The following KSR1 variants were observed in gnomAD, a reference collection of about 807,000 sequenced individuals.
KSR1 encodes kinase suppressor of ras 1, also known as kinase suppressor of ras.
A neutral mutation model predicts 92.9 loss-of-function variants in KSR1; 35 were observed. That is an observed-to-expected ratio of 0.38 (90% confidence interval 0.29 to 0.50). The LOEUF (loss-of-function observed/expected upper bound fraction) is 0.50, where lower values mean the gene tolerates loss of function less well. Among genes scored for constraint, KSR1 ranks in the 20% least tolerant of loss-of-function variants. The pLI is 0.94. For missense variants in KSR1, 972 were observed against 1,158.5 expected, an observed-to-expected ratio of 0.84 and a Z score of 2.34; for synonymous variants, 467 against 472.6, an observed-to-expected ratio of 0.99 and a Z score of 0.15.
At chr17:27,478,037 A>G (rs774934503) in intron 1 of KSR1, among the ~76,000 whole-genome samples, 16 of 152,242 alleles carry the variant, frequency 1.1e-4, no homozygotes, top group Middle Eastern at 3.4e-3. Flanking sequence ...TCTTTGAGGG[A>G]GACTAAAGCC....
At chr17:27,508,192 G>A (rs1370444096) in intron 1 of KSR1, among the ~76,000 whole-genome samples, 3 of 152,166 alleles carry the variant, frequency 2.0e-5, no homozygotes, top group Admixed American at 1.3e-4. Flanking sequence ...CTGTTGGGGT[G>A]GAGTGGCTTG....
intron 2 of KSR1, among the ~76,000 whole-genome samples, chr17:27,567,039 G>A (rs1270561253): frequency 6.6e-6 from 1 of 152,190 alleles, no homozygotes; most frequent in East Asian, 1.9e-4. Flanking sequence ...AGGGCTTGCA[G>A]TGTCTTAAGG....
At chr17:27,531,617 C>T (rs777245222) in intron 1 of KSR1, among the ~76,000 whole-genome samples, 3 of 152,216 alleles carry the variant, frequency 2.0e-5, no homozygotes, top group Non-Finnish European at 4.4e-5. Context: ...GTGGCTTCAG[C>T]CCTGCTCCTC....
At chr17:27,524,306 C>T (rs987518369) in intron 1 of KSR1, among the ~76,000 whole-genome samples, 4 of 152,000 alleles carry the variant, frequency 2.6e-5, no homozygotes, top group African/African-American at 9.7e-5. Context: ...CTGGGGGCTT[C>T]TGCAAGAGCA....
chr17:27,520,676 G>T (rs937307255), intron 1 of KSR1, among the ~76,000 whole-genome samples: 1 of 152,246 alleles, frequency 6.6e-6, no homozygotes, highest in Non-Finnish European at 1.5e-5. Context: ...CCTCTCAGGG[G>T]CTGGCTCACA....
At chr17:27,488,277 G>A (rs1487894814) in intron 1 of KSR1, among the ~76,000 whole-genome samples, 2 of 152,074 alleles carry the variant, frequency 1.3e-5, no homozygotes, top group Non-Finnish European at 2.9e-5. Context: ...GACCCCTTCT[G>A]TGTTCCACAA....
intron 1 of KSR1, among the ~76,000 whole-genome samples, chr17:27,532,762 A>C (rs1022852766): frequency 1.6e-4 from 25 of 152,202 alleles, no homozygotes; most frequent in Admixed American, 3.3e-4. Context: ...CCTTCTGATC[A>C]GGTGGCAGAG....
chr17:27,475,146 G>A (rs1052305453), intron 1 of KSR1, among the ~76,000 whole-genome samples: 6 of 152,200 alleles, frequency 3.9e-5, no homozygotes, highest in Non-Finnish European at 8.8e-5. Context: ...GGAAGCCAAA[G>A]GGGAGTGAAC....
intron 2 of KSR1, among the ~76,000 whole-genome samples, chr17:27,570,887 C>T (rs1384075381): frequency 6.6e-6 from 1 of 152,170 alleles, no homozygotes; most frequent in East Asian, 1.9e-4. Flanking sequence ...GAAGTGGGGC[C>T]CAAGCATTGC....
chr17:27,583,634 G>T (rs879850441), intron 4 of KSR1, among the ~76,000 whole-genome samples: 26 of 152,228 alleles, frequency 1.7e-4, no homozygotes, highest in Non-Finnish European at 2.6e-4. Flanking sequence ...CCCAGGAGGG[G>T]AGAACTGGAA....
At chr17:27,598,846 G>T (rs746127938) in intron 10 of KSR1, among the ~76,000 whole-genome samples, 70 of 152,130 alleles carry the variant, frequency 4.6e-4, no homozygotes, top group Non-Finnish European at 2.1e-4. Context: ...CAGCACCAAT[G>T]GGTCAACCCT....
intron 3 of KSR1, chr17:27,579,348 C>T (rs1439747719): frequency 6.6e-6 from 1 of 152,258 alleles, no homozygotes; most frequent in Admixed American, 6.5e-5. Context: ...TGCTCGGCCA[C>T]TTAGAACCTG....
chr17:27,569,188 G>A, intron 2 of KSR1, among the ~76,000 whole-genome samples: 1 of 152,118 alleles, frequency 6.6e-6, no homozygotes, highest in Non-Finnish European at 1.5e-5. Flanking sequence ...AAAACATCCT[G>A]GGAGTAGGGA....
chr17:27,480,337 A>G (rs2068475353), intron 1 of KSR1, among the ~76,000 whole-genome samples: 1 of 152,182 alleles, frequency 6.6e-6, no homozygotes. Flanking sequence ...CCTCCCTAGA[A>G]TGAAAGCTCC....
In KSR1 at chr17:27,609,432, C is replaced by G. The variant is rs1191675646; in HGVS notation, c.2225+103C>G. ...CTGTTTGTTGCTGAGCTGCAGCCCT[C>G]CCTGCAGGGAAGCCCAGGTCGCTTT... On this transcript the variant is annotated intron_variant, in intron 16 of 20. Transcript: ENST00000644974. 9 of 1,453,646 alleles carry G rather than the reference C, an allele frequency of 6.2e-6. No homozygotes were observed. In the Admixed American group the frequency reaches 7.1e-5, roughly 11 times the overall value. 90.0% of individuals were successfully genotyped at this position (1,453,646 alleles called of 1,614,324 possible).
At chr17:27,487,435 C>G (rs2068699133) in intron 1 of KSR1, among the ~76,000 whole-genome samples, 1 of 151,426 alleles carries the variant, frequency 6.6e-6, no homozygotes, top group Admixed American at 6.6e-5. Flanking sequence ...GACTCCATCT[C>G]CAAAAAAATA....
chr17:27,513,604 G>T (rs568608536), intron 1 of KSR1, among the ~76,000 whole-genome samples: 1 of 152,324 alleles, frequency 6.6e-6, no homozygotes, highest in South Asian at 2.1e-4. Context: ...TAGCAAGGGT[G>T]TGTCTGCTGG....
chr17:27,607,869 C>T (rs769807332), intron 14 of KSR1, 45 bp from the exon 15 acceptor site: 30 of 1,443,092 alleles, frequency 2.1e-5, no homozygotes, highest in Admixed American at 1.9e-5. Flanking sequence ...GGGGTCAGGC[C>T]GCACCAGCCC....
chr17:27,470,039 G>C (rs2019904512), intron 1 of KSR1, among the ~76,000 whole-genome samples: 1 of 136,026 alleles, frequency 7.4e-6, no homozygotes, highest in African/African-American at 2.9e-5. Context: ...TGTGTGTTAA[G>C]ACTTGCCAAA....
Sources: gnomAD v4.1 joint callset for allele counts (sites outside exome capture counted in the v4.1 genomes callset) on GRCh38, gnomAD v4.1.1 for gene constraint, MANE v1.5 for transcripts, NCBI Gene and HGNC (gene_info 2026-07-23, HGNC 2026-07-21) for gene names.